The following NRXN3 variants were observed in gnomAD, a reference collection of about 807,000 sequenced individuals.
The protein encoded by NRXN3 is neurexin III.
Under a neutral mutation model 137.6 loss-of-function variants are expected in NRXN3, and 32 were observed. That is an observed-to-expected ratio of 0.23 (90% CI 0.18 to 0.31). NRXN3 has a LOEUF of 0.31. Ranked by LOEUF, NRXN3 falls within the 10% of genes least tolerant of loss-of-function variation. The pLI, the probability that NRXN3 is intolerant of heterozygous loss-of-function variation, is 1.00. For synonymous variants in NRXN3, 798 were observed against 784.5 expected (o/e 1.02, Z -0.29); for missense variants, 1,574 against 2,062.5 (o/e 0.76, Z 4.59).
chr14:79,468,411 G>A (rs1404399056), intron 16 of NRXN3, among the ~76,000 whole-genome samples: 1 of 152,154 alleles, frequency 6.6e-6, no homozygotes, highest in African/African-American at 2.4e-5. Flanking sequence ...GCAATGACAA[G>A]GCTAGAAAGA....
chr14:79,410,492 G>C (rs1281056443), intron 15 of NRXN3, among the ~76,000 whole-genome samples: 4 of 150,180 alleles, frequency 2.7e-5, no homozygotes, highest in Non-Finnish European at 5.9e-5. Flanking sequence ...ATCTACTAGA[G>C]AACTTAAAGC....
At chr14:78,765,228 A>G (rs927525614) in intron 8 of NRXN3, among the ~76,000 whole-genome samples, 3 of 152,128 alleles carry the variant, frequency 2.0e-5, no homozygotes, top group Non-Finnish European at 4.4e-5. Flanking sequence ...ATCTTGGCTC[A>G]CTGCAACCTC....
In NRXN3 at chr14:79,736,647, G is replaced by A. The variant is rs140644558; in HGVS notation, c.4014+38710G>A. Among the ~76,000 whole-genome samples, 16 of 152,284 alleles carry A rather than the reference G, an allele frequency of 1.1e-4. No homozygotes were observed. In the East Asian group the frequency reaches 1.2e-3, roughly 11 times the overall value. ...GAGAAAGTGGGACCAGGGGGCCATC[G>A]CGAGTGTGGAGGCTGTGAAGGCCCC... is the stretch of plus-strand genomic sequence containing the variant. On this transcript the variant is annotated intron_variant, in intron 19 of 20. Coordinates refer to ENST00000335750, the MANE Select transcript of NRXN3 (RefSeq NM_001330195.2).
At chr14:78,605,093 C>T (rs981641147) in intron 4 of NRXN3, among the ~76,000 whole-genome samples, 4 of 152,130 alleles carry the variant, frequency 2.6e-5, no homozygotes, top group African/African-American at 4.8e-5. Flanking sequence ...CAAAGGATTT[C>T]GATTTTTTTT....
intron 15 of NRXN3, among the ~76,000 whole-genome samples, chr14:79,257,865 T>G (rs1292842526): frequency 6.6e-6 from 1 of 152,006 alleles, no homozygotes; most frequent in Non-Finnish European, 1.5e-5. Flanking sequence ...AGAAATTAAC[T>G]TATAGGCCGA....
chr14:79,212,080 A>G (rs1454745063), intron 15 of NRXN3, among the ~76,000 whole-genome samples: 1 of 152,164 alleles, frequency 6.6e-6, no homozygotes, highest in African/African-American at 2.4e-5. Flanking sequence ...ATGTTCAGGA[A>G]TCTGTGGCAA....
chr14:78,627,105 TCTCTCTC>T (rs2097469621), intron 4 of NRXN3, among the ~76,000 whole-genome samples: 1 of 14,388 alleles, frequency 7.0e-5, no homozygotes, highest in Non-Finnish European at 1.2e-4. Context: ...CTCCCTCCCT[TCTCTCTC>T]TCTCTCTCTC....
At chr14:78,770,932 A>G (rs1377319786) in intron 8 of NRXN3, among the ~76,000 whole-genome samples, 1 of 152,172 alleles carries the variant, frequency 6.6e-6, no homozygotes, top group Admixed American at 6.5e-5. Flanking sequence ...TTTCTCTTTC[A>G]TTGTTGGAGG....
chr14:79,364,227 ATCC>A (rs2093790968), intron 15 of NRXN3, among the ~76,000 whole-genome samples: 1 of 152,170 alleles, frequency 6.6e-6, no homozygotes, highest in African/African-American at 2.4e-5. Context: ...GACTTAAAAT[ATCC>A]TCCTTTTTTG....
chr14:79,440,402 A>T (rs1223785943), intron 15 of NRXN3, among the ~76,000 whole-genome samples: 2 of 152,230 alleles, frequency 1.3e-5, no homozygotes, highest in Non-Finnish European at 2.9e-5. Flanking sequence ...AAGGCGTATG[A>T]ACAGCATGCC....
chr14:79,411,345 GCTGT>G lies in NRXN3; in HGVS notation c.3263-55873_3263-55870del, dbSNP rs1288608641. ...ACTGCCCTATTTTGTTGAATCATGT[GCTGT>G]CTAAGTCCTCACAGTCCTTGCCACC... is the stretch of plus-strand genomic sequence containing the variant. On this transcript the variant is annotated intron_variant, in intron 15 of 20. Transcript: ENST00000335750. Among the ~76,000 whole-genome samples the G allele has an allele frequency of 2.0e-5, 3 of 152,192 alleles. No individual in the cohort carries two copies. In the East Asian group the frequency reaches 5.8e-4, roughly 29 times the overall value.
At chr14:79,395,255 A>G (rs2094981015) in intron 15 of NRXN3, among the ~76,000 whole-genome samples, 1 of 152,222 alleles carries the variant, frequency 6.6e-6, no homozygotes, top group Admixed American at 6.5e-5. Context: ...AAGAAGTCTC[A>G]TGAATTGTTT....
chr14:78,655,500 C>T (rs1487556808), intron 6 of NRXN3, among the ~76,000 whole-genome samples: 2 of 152,094 alleles, frequency 1.3e-5, no homozygotes, highest in Non-Finnish European at 2.9e-5. Context: ...AGGGATAACT[C>T]ATCCCACCTG....
chr14:79,543,739 A>C (rs760149957), intron 16 of NRXN3, among the ~76,000 whole-genome samples: 1 of 152,234 alleles, frequency 6.6e-6, no homozygotes, highest in Non-Finnish European at 1.5e-5. Context: ...GAAGCAGGCC[A>C]GGTGGCAAAT....
intron 10 of NRXN3, among the ~76,000 whole-genome samples, chr14:78,854,053 A>G (rs1380082769): frequency 6.6e-6 from 1 of 152,104 alleles, no homozygotes; most frequent in African/African-American, 2.4e-5. Flanking sequence ...GTAACTATCT[A>G]TTGTACAGTC....
At chr14:79,513,104 C>T (rs1375833580) in intron 16 of NRXN3, among the ~76,000 whole-genome samples, 7 of 152,136 alleles carry the variant, frequency 4.6e-5, no homozygotes, top group African/African-American at 1.4e-4. Flanking sequence ...GGTATAACCC[C>T]ATAAGGATGG....
chr14:78,825,423 G>T (rs1163854360), intron 10 of NRXN3, among the ~76,000 whole-genome samples: 1 of 152,064 alleles, frequency 6.6e-6, no homozygotes, highest in Admixed American at 6.6e-5. Context: ...TTAGTTTTTG[G>T]TTTTGAGGTG....
chr14:78,807,252 C>G (rs2098877769), intron 9 of NRXN3, among the ~76,000 whole-genome samples: 2 of 152,124 alleles, frequency 1.3e-5, no homozygotes, highest in African/African-American at 4.8e-5. Flanking sequence ...GTGCCAGGAG[C>G]CCTTCTTCAA....
chr14:78,312,814 C>T, intron 4 of NRXN3, among the ~76,000 whole-genome samples: 1 of 152,072 alleles, frequency 6.6e-6, no homozygotes, highest in South Asian at 2.1e-4. Flanking sequence ...TCTCAAGTGT[C>T]AAAGTCATTT....
Sources: allele counts gnomAD v4.1 joint callset (sites outside exome capture counted in the v4.1 genomes callset), GRCh38; gene constraint gnomAD v4.1.1; transcripts MANE v1.5; gene names NCBI Gene and HGNC (gene_info 2026-07-23, HGNC 2026-07-21).